The following CPNE8 variants were observed in gnomAD, a reference collection of about 807,000 sequenced individuals.
The protein encoded by CPNE8 is copine-8.
Under a neutral mutation model 81.5 loss-of-function variants are expected in CPNE8, and 45 were observed. That is an observed-to-expected ratio of 0.55 (90% CI 0.44 to 0.71). CPNE8 has a LOEUF of 0.71. Among genes scored for constraint, CPNE8 ranks in the 30% least tolerant of loss-of-function variants. The probability of loss-of-function intolerance (pLI) is 0.00; values close to 1 mark genes in which losing one functional copy is unlikely to be tolerated. For synonymous variants in CPNE8, 252 were observed against 226.3 expected, an observed-to-expected ratio of 1.11 and a Z score of -1.02; for missense variants, 594 against 672.1, an observed-to-expected ratio of 0.88 and a Z score of 1.28.
At position 38,687,316 on chromosome 12, in the gene CPNE8, C is replaced by G. The variant is rs567164154; in HGVS notation, c.1144-1699G>C. ...AAGATTTAAACGAGGCAGTCTAACT[C>G]CAGAGCTCAATTTCTTAAACACCAT... On this transcript the variant is annotated intron_variant, in intron 15 of 19. Transcript: ENST00000331366. Among the ~76,000 whole-genome samples the G allele has an allele frequency of 2.0e-5, 3 of 151,540 alleles. No homozygotes were observed. In the East Asian group the frequency reaches 5.8e-4, roughly 30 times the overall value.
intron 3 of CPNE8, among the ~76,000 whole-genome samples, chr12:38,856,143 C>A (rs888362528): frequency 6.6e-6 from 1 of 151,674 alleles, no homozygotes; most frequent in East Asian, 1.9e-4. Flanking sequence ...TAAGGCTGAA[C>A]CATGAAAAGA....
intron 10 of CPNE8, among the ~76,000 whole-genome samples, chr12:38,746,758 T>C (rs1222566895): frequency 6.6e-6 from 1 of 152,226 alleles, no homozygotes; most frequent in Non-Finnish European, 1.5e-5. Context: ...ATTATCTTAA[T>C]TTTTACAGAG....
At chr12:38,898,432 G>A (rs759069447) in intron 1 of CPNE8, among the ~76,000 whole-genome samples, 3 of 152,048 alleles carry the variant, frequency 2.0e-5, no homozygotes, top group Non-Finnish European at 2.9e-5. Context: ...ATCAAAAAAG[G>A]CACTACAGGG....
At chr12:38,870,039 A>C (rs1279237672) in intron 3 of CPNE8, among the ~76,000 whole-genome samples, 3 of 152,256 alleles carry the variant, frequency 2.0e-5, no homozygotes, top group African/African-American at 7.2e-5. Flanking sequence ...GAAGAGCATA[A>C]AGGTTGGTAT....
At chr12:38,675,198 C>G (rs1939260822) in intron 18 of CPNE8, among the ~76,000 whole-genome samples, 2 of 152,162 alleles carry the variant, frequency 1.3e-5, no homozygotes, top group Non-Finnish European at 2.9e-5. Context: ...TTACTTTTCT[C>G]TTTCATATGA....
At chr12:38,778,637 G>A (rs1256132892) in intron 6 of CPNE8, among the ~76,000 whole-genome samples, 1 of 152,124 alleles carries the variant, frequency 6.6e-6, no homozygotes, top group African/African-American at 2.4e-5. Flanking sequence ...ACAAAGCTCA[G>A]CCTTTTCTGC....
chr12:38,745,194 T>C (rs1941200029), intron 10 of CPNE8, among the ~76,000 whole-genome samples: 1 of 152,218 alleles, frequency 6.6e-6, no homozygotes, highest in African/African-American at 2.4e-5. Flanking sequence ...CAGAACCACA[T>C]GGCCAAAGCA....
intron 16 of CPNE8, chr12:38,679,596 G>C: frequency 1.0e-6 from 1 of 984,860 alleles, no homozygotes; most frequent in Non-Finnish European, 1.2e-6. Context: ...TTTAAGTTCT[G>C]TCCAATCCAT....
chr12:38,731,437 G>T (rs1940828881), intron 10 of CPNE8, among the ~76,000 whole-genome samples: 1 of 151,854 alleles, frequency 6.6e-6, no homozygotes, highest in Non-Finnish European at 1.5e-5. Context: ...AGGATGTGGA[G>T]GGGTAAAAAT....
At chr12:38,742,855 T>C (rs1053742645) in intron 10 of CPNE8, among the ~76,000 whole-genome samples, 5 of 151,906 alleles carry the variant, frequency 3.3e-5, no homozygotes, top group Admixed American at 2.0e-4. Flanking sequence ...GTTGTAATCA[T>C]AGTATAATAC....
chr12:38,762,085 G>T (rs1277037350), intron 9 of CPNE8, 27 bp downstream of exon 9: 2 of 1,159,794 alleles, frequency 1.7e-6, no homozygotes, highest in South Asian at 2.1e-5. Context: ...GTTATTTGAA[G>T]ATTTTTGAAT....
At chr12:38,698,442 T>A (rs1445963463) in intron 14 of CPNE8, among the ~76,000 whole-genome samples, 1 of 152,212 alleles carries the variant, frequency 6.6e-6, no homozygotes, top group Non-Finnish European at 1.5e-5. Flanking sequence ...TTGTTGTTGC[T>A]CATGAGTTTG....
At chr12:38,776,985 A>C (rs1475614424) in intron 6 of CPNE8, among the ~76,000 whole-genome samples, 1 of 151,816 alleles carries the variant, frequency 6.6e-6, no homozygotes, top group African/African-American at 2.4e-5. Flanking sequence ...TCTATACTAT[A>C]CTTTTTATCA....
intron 6 of CPNE8, among the ~76,000 whole-genome samples, chr12:38,790,099 T>C (rs1942288011): frequency 1.3e-5 from 2 of 151,720 alleles, no homozygotes; most frequent in South Asian, 2.1e-4. Context: ...ACTAGGTATA[T>C]CTACTAGGTA....
At chr12:38,870,105 T>A (rs1943968832) in intron 3 of CPNE8, among the ~76,000 whole-genome samples, 1 of 152,234 alleles carries the variant, frequency 6.6e-6, no homozygotes, top group Non-Finnish European at 1.5e-5. Flanking sequence ...TGTAGCCAGA[T>A]GGCCTGGTGA....
At chr12:38,902,405 A>G (rs1220463763) in intron 1 of CPNE8, among the ~76,000 whole-genome samples, 11 of 141,314 alleles carry the variant, frequency 7.8e-5, no homozygotes, top group Admixed American at 3.4e-4. Flanking sequence ...GAAAGAAAGA[A>G]AGAAAGAAAG....
chr12:38,848,439 T>A, intron 4 of CPNE8, 120 bp downstream of exon 4: 1 of 1,394,452 alleles, frequency 7.2e-7, no homozygotes, highest in Non-Finnish European at 9.3e-7. Context: ...CTGAACAGAA[T>A]TAATCTGGTT....
chr12:38,889,842 GCT>G (rs1160413718), intron 1 of CPNE8, among the ~76,000 whole-genome samples: 2 of 152,162 alleles, frequency 1.3e-5, no homozygotes, highest in African/African-American at 4.8e-5. Context: ...GAGGCCTGAG[GCT>G]CAACTGACAG....
intron 13 of CPNE8, chr12:38,720,693 G>A (rs919115815): frequency 6.6e-6 from 1 of 152,156 alleles, no homozygotes; most frequent in African/African-American, 2.4e-5. Flanking sequence ...AGCTGCTCCA[G>A]ACAGCCTTAC....
Sources: gnomAD v4.1 joint callset for allele counts (sites outside exome capture counted in the v4.1 genomes callset) on GRCh38, gnomAD v4.1.1 for gene constraint, MANE v1.5 for transcripts, NCBI Gene and HGNC (gene_info 2026-07-23, HGNC 2026-07-21) for gene names.